Variants in DTNBP1 observed in about 807,000 individuals in gnomAD.
DTNBP1 encodes the protein dystrobrevin binding protein 1.
Under a neutral mutation model 42.8 loss-of-function variants are expected in DTNBP1, and 35 were observed. The ratio of observed to expected loss-of-function variants is 0.82; its 90% confidence interval spans 0.63 to 1.09. DTNBP1 has a LOEUF of 1.09. Among genes scored for constraint, DTNBP1 ranks in the 50% least tolerant of loss-of-function variants. The probability of loss-of-function intolerance (pLI) is 0.00; values close to 1 mark genes in which losing one functional copy is unlikely to be tolerated. For synonymous variants in DTNBP1, 171 were observed against 162.2 expected (o/e 1.05, Z -0.41); for missense variants, 457 against 424.2 (o/e 1.08, Z -0.68).
intron 7 of DTNBP1, among the ~76,000 whole-genome samples, chr6:15,556,778 C>G (rs889578936): frequency 2.0e-5 from 3 of 152,266 alleles, no homozygotes; most frequent in Admixed American, 6.5e-5. Flanking sequence ...TCCCTTCTCT[C>G]TCTCTCTTGC....
At chr6:15,601,472 A>T (rs1776724657) in intron 6 of DTNBP1, among the ~76,000 whole-genome samples, 1 of 152,230 alleles carries the variant, frequency 6.6e-6, no homozygotes, top group South Asian at 2.1e-4. Context: ...GGGATCAACT[A>T]ATAAATTCTC....
chr6:15,523,339 C>A, intron 9 of DTNBP1, 120 bp from the exon 10 acceptor site: 1 of 1,416,550 alleles, frequency 7.1e-7, no homozygotes, highest in Non-Finnish European at 9.7e-7. Flanking sequence ...GTTCCAGGCA[C>A]CTGGGGCCTG....
intron 7 of DTNBP1, among the ~76,000 whole-genome samples, chr6:15,542,816 C>T (rs1268878409): frequency 6.6e-6 from 1 of 151,978 alleles, no homozygotes; most frequent in Non-Finnish European, 1.5e-5. Context: ...CTCAGCCTCC[C>T]GAGTAGCCGA....
intron 7 of DTNBP1, among the ~76,000 whole-genome samples, chr6:15,547,207 G>A (rs572162858): frequency 6.6e-6 from 1 of 152,284 alleles, no homozygotes; most frequent in East Asian, 1.9e-4. Context: ...GCGTCTGTGA[G>A]TGAAAATTAT....
At chr6:15,559,996 C>T (rs1460985264) in intron 7 of DTNBP1, among the ~76,000 whole-genome samples, 13 of 152,056 alleles carry the variant, frequency 8.5e-5, no homozygotes, top group African/African-American at 2.7e-4. Context: ...TTGATTGTAA[C>T]GGTTACTATT....
chr6:15,585,445 TAAA>T (rs201453910), intron 7 of DTNBP1, among the ~76,000 whole-genome samples: 1 of 139,722 alleles, frequency 7.2e-6, no homozygotes. Flanking sequence ...ACACATATTG[TAAA>T]AAAAAAAAAA....
At chr6:15,636,270 C>T (rs1760017483) in intron 4 of DTNBP1, among the ~76,000 whole-genome samples, 1 of 151,390 alleles carries the variant, frequency 6.6e-6, no homozygotes, top group African/African-American at 2.4e-5. Context: ...TCTGCCTCAG[C>T]CTCCCGAGTA....
chr6:15,565,892 T>C (rs967492611), intron 7 of DTNBP1, among the ~76,000 whole-genome samples: 2 of 152,224 alleles, frequency 1.3e-5, no homozygotes, highest in African/African-American at 4.8e-5. Flanking sequence ...ATGTAGTTCG[T>C]GTTAGCACTT....
intron 7 of DTNBP1, among the ~76,000 whole-genome samples, chr6:15,551,671 A>C (rs1057194603): frequency 5.3e-5 from 8 of 152,008 alleles, no homozygotes; most frequent in Non-Finnish European, 1.0e-4. Context: ...GCTACCACAC[A>C]CTTGCCCCCT....
chr6:15,636,629 T>C (rs1246125696), intron 4 of DTNBP1, among the ~76,000 whole-genome samples: 2 of 152,094 alleles, frequency 1.3e-5, no homozygotes, highest in African/African-American at 2.4e-5. Flanking sequence ...ACATTTTTTT[T>C]CCCCCTAGCT....
intron 7 of DTNBP1, among the ~76,000 whole-genome samples, chr6:15,575,102 C>T (rs1775505510): frequency 6.6e-6 from 1 of 152,178 alleles, no homozygotes. Flanking sequence ...GAATCCACTA[C>T]AGGAAAGCCA....
chr6:15,645,691 T>C (rs1172415524), intron 3 of DTNBP1, among the ~76,000 whole-genome samples: 1 of 151,938 alleles, frequency 6.6e-6, no homozygotes, highest in Non-Finnish European at 1.5e-5. Context: ...AAAAATAACA[T>C]AATCTTCTCA....
intron 5 of DTNBP1, among the ~76,000 whole-genome samples, chr6:15,619,024 C>T (rs780470663): frequency 3.3e-5 from 5 of 152,132 alleles, no homozygotes; most frequent in Non-Finnish European, 5.9e-5. Flanking sequence ...AAGCTAAAAA[C>T]GTTGATCCCA....
chr6:15,566,294 G>A (rs970862466), intron 7 of DTNBP1, among the ~76,000 whole-genome samples: 1 of 133,338 alleles, frequency 7.5e-6, no homozygotes, highest in East Asian at 2.2e-4. Context: ...CAGCCTGGGC[G>A]ACAGAGCGAG....
intron 6 of DTNBP1, among the ~76,000 whole-genome samples, chr6:15,614,911 T>G (rs544865272): frequency 2.0e-5 from 3 of 152,318 alleles, no homozygotes; most frequent in Admixed American, 1.3e-4. Context: ...GCTCCTTTCC[T>G]TCTGCTCTAG....
intron 8 of DTNBP1, among the ~76,000 whole-genome samples, chr6:15,531,918 C>T (rs1185627083): frequency 6.6e-6 from 1 of 152,244 alleles, no homozygotes; most frequent in East Asian, 1.9e-4. Flanking sequence ...AGGCGTATGC[C>T]ACTGCGCCTG....
chr6:15,643,783 A>G (rs1760516650), intron 3 of DTNBP1, among the ~76,000 whole-genome samples: 1 of 152,224 alleles, frequency 6.6e-6, no homozygotes, highest in Non-Finnish European at 1.5e-5. Context: ...GAAATGCTCA[A>G]AGGAGTTCTA....
At chr6:15,599,557 C>T (rs907599885) in intron 6 of DTNBP1, among the ~76,000 whole-genome samples, 2 of 152,080 alleles carry the variant, frequency 1.3e-5, no homozygotes, top group Non-Finnish European at 2.9e-5. Flanking sequence ...TCAGAGCCAC[C>T]CCAAAACATC....
chr6:15,523,333 C>G (rs1772052194), intron 9 of DTNBP1, 114 bp from the exon 10 acceptor site: 1 of 1,458,334 alleles, frequency 6.9e-7, no homozygotes, highest in African/African-American at 1.4e-5. Context: ...GTTTTTGTTC[C>G]AGGCACCTGG....
Sources: allele counts gnomAD v4.1 joint callset (sites outside exome capture counted in the v4.1 genomes callset), GRCh38; gene constraint gnomAD v4.1.1; transcripts MANE v1.5; gene names NCBI Gene and HGNC (gene_info 2026-07-23, HGNC 2026-07-21).